PDE3B: variants seen among roughly 807,000 people sequenced by gnomAD.
PDE3B encodes the protein phosphodiesterase 3B.
In PDE3B, 66 loss-of-function variants were observed where a neutral mutation model predicts 116.8. The ratio of observed to expected loss-of-function variants is 0.56; its 90% CI spans 0.46 to 0.69. PDE3B has a LOEUF of 0.69. Among genes scored for constraint, PDE3B ranks in the 30% least tolerant of loss-of-function variants. The pLI is 0.00. For missense variants in PDE3B, 1,384 were observed against 1,368.1 expected (o/e 1.01, Z -0.18); for synonymous variants, 595 against 533.6 (o/e 1.12, Z -1.59).
chr11:14,669,893 TA>T (rs1253371778), intron 1 of PDE3B, among the ~76,000 whole-genome samples: 2 of 152,262 alleles, frequency 1.3e-5, no homozygotes, highest in Non-Finnish European at 2.9e-5. Flanking sequence ...TTAAGAAGAA[TA>T]GGCATAAAAA....
intron 14 of PDE3B, among the ~76,000 whole-genome samples, chr11:14,863,443 G>T (rs1305163883): frequency 2.0e-5 from 3 of 152,130 alleles, no homozygotes; most frequent in Non-Finnish European, 4.4e-5. Context: ...AATGACTACT[G>T]ATGATGAGCT....
chr11:14,863,875 A>G (rs576373832), intron 14 of PDE3B, among the ~76,000 whole-genome samples: 1 of 152,350 alleles, frequency 6.6e-6, no homozygotes, highest in African/African-American at 2.4e-5. Flanking sequence ...GACCATGGAC[A>G]CTATGAAGAA....
intron 1 of PDE3B, among the ~76,000 whole-genome samples, chr11:14,703,370 A>C (rs1590073692): frequency 6.6e-6 from 1 of 151,834 alleles, no homozygotes; most frequent in East Asian, 1.9e-4. Flanking sequence ...ATATGCTTGC[A>C]ATTCATATAG....
At chr11:14,691,451 A>T (rs1047995143) in intron 1 of PDE3B, among the ~76,000 whole-genome samples, 1 of 152,184 alleles carries the variant, frequency 6.6e-6, no homozygotes, top group Non-Finnish European at 1.5e-5. Context: ...TTTGCTAGTA[A>T]GTTATGTAAA....
chr11:14,896,632 C>T, the PDE3B span, among the ~76,000 whole-genome samples: 1 of 152,128 alleles, frequency 6.6e-6, no homozygotes, highest in Non-Finnish European at 1.5e-5. Context: ...GTAGTCTGCA[C>T]CAAACAACCA....
chr11:14,683,086 C>T (rs535091512), intron 1 of PDE3B, among the ~76,000 whole-genome samples: 6 of 151,942 alleles, frequency 3.9e-5, no homozygotes, highest in East Asian at 3.9e-4. Flanking sequence ...TACAGGCATG[C>T]GCCACAACGC....
intron 7 of PDE3B, among the ~76,000 whole-genome samples, chr11:14,829,216 C>G (rs1306509954): frequency 1.3e-5 from 2 of 151,774 alleles, no homozygotes; most frequent in African/African-American, 4.8e-5. Context: ...AGGCTTAATA[C>G]CTGAGTAATG....
At chr11:14,672,931 T>C (rs903972030) in intron 1 of PDE3B, among the ~76,000 whole-genome samples, 1 of 151,644 alleles carries the variant, frequency 6.6e-6, no homozygotes, top group Non-Finnish European at 1.5e-5. Context: ...TTTTTTTTTT[T>C]TGAAATTTAA....
chr11:14,684,789 C>T (rs907307905), intron 1 of PDE3B, among the ~76,000 whole-genome samples: 2 of 152,172 alleles, frequency 1.3e-5, no homozygotes, highest in Admixed American at 6.5e-5. Context: ...GTGATATCTT[C>T]CCTACTTGCA....
chr11:14,691,839 T>A (rs1449139282), intron 1 of PDE3B, among the ~76,000 whole-genome samples: 1 of 152,224 alleles, frequency 6.6e-6, no homozygotes, highest in Non-Finnish European at 1.5e-5. Context: ...AGGACACTTA[T>A]ATGTTGCTTT....
intron 11 of PDE3B, among the ~76,000 whole-genome samples, chr11:14,841,190 C>A (rs1337531581): frequency 2.6e-5 from 4 of 151,880 alleles, no homozygotes; most frequent in African/African-American, 4.8e-5. Flanking sequence ...AGGAATTCCA[C>A]CAGTAGACAG....
At chr11:14,885,932 G>A in the PDE3B span, 1 of 1,611,920 alleles carries the variant, frequency 6.2e-7, no homozygotes, top group African/African-American at 1.3e-5. Context: ...GAGAAGAGAA[G>A]AAAAACAACA....
chr11:14,728,144 T>C (rs1856364652), intron 1 of PDE3B, among the ~76,000 whole-genome samples: 1 of 152,110 alleles, frequency 6.6e-6, no homozygotes, highest in African/African-American at 2.4e-5. Flanking sequence ...CAAAAGCTTT[T>C]AGCAATTTAA....
At chr11:14,774,581 C>G (rs1344799862) in intron 2 of PDE3B, 1 of 152,196 alleles carries the variant, frequency 6.6e-6, no homozygotes, top group African/African-American at 2.4e-5. Flanking sequence ...CTCCCTCCCA[C>G]TCCTCTTCTT....
chr11:14,690,996 G>T (rs1855027489), intron 1 of PDE3B, among the ~76,000 whole-genome samples: 1 of 152,228 alleles, frequency 6.6e-6, no homozygotes, highest in Middle Eastern at 3.4e-3. Flanking sequence ...CATGCAAATA[G>T]CACAGAAGGA....
chr11:14,653,457 C>G (rs899392340), intron 1 of PDE3B, among the ~76,000 whole-genome samples: 2 of 151,828 alleles, frequency 1.3e-5, no homozygotes, highest in Non-Finnish European at 2.9e-5. Context: ...CATCCGCCCT[C>G]GGGAGGCTGA....
rs35700152 is a variant in PDE3B at position 14,688,113 on chromosome 11, T to TTCTCTC, written c.978+43085_978+43090dup. 4.8e-3 allele frequency among the ~76,000 whole-genome samples: 533 copies of TTCTCTC among 109,912 alleles called. 10 individuals are homozygous for TTCTCTC. The highest frequency in any genetic ancestry group is 0.016 in the African/African-American group (458 of 28,382). 72.1% of individuals were successfully genotyped at this position (109,912 alleles called of 152,430 possible). ...TTTCTTTCTTTCTCTCTCTCTCTCTTTCTCTCTCTCTCTCTCTCTCTCTCT... is the reference window on the plus strand; with the variant it reads ...TTTCTTTCTTTCTCTCTCTCTCTCTTTCTCTCTCTCTCTCTCTCTCTCTCTCTCTCT... On this transcript the variant is annotated intron_variant, in intron 1 of 15. Transcript: ENST00000282096.
At chr11:14,873,446 A>T (rs1467847459), downstream of PDE3B, among the ~76,000 whole-genome samples, 3 of 152,214 alleles carry the variant, frequency 2.0e-5, no homozygotes, top group Non-Finnish European at 4.4e-5. Context: ...AGGGACATGT[A>T]CAGAGTTATG....
chr11:14,651,923 C>T (rs550963847), intron 1 of PDE3B, among the ~76,000 whole-genome samples: 1 of 152,170 alleles, frequency 6.6e-6, no homozygotes, highest in Non-Finnish European at 1.5e-5. Context: ...GACTTAATAT[C>T]CTGTATTGAT....
Sources: gnomAD v4.1 joint callset for allele counts (sites outside exome capture counted in the v4.1 genomes callset) on GRCh38, gnomAD v4.1.1 for gene constraint, MANE v1.5 for transcripts, NCBI Gene and HGNC (gene_info 2026-07-23, HGNC 2026-07-21) for gene names.